The following PTPRG variants were observed in gnomAD, a reference collection of about 807,000 sequenced individuals.
PTPRG encodes protein tyrosine phosphatase receptor type G.
A neutral mutation model predicts 165.3 loss-of-function variants in PTPRG; 102 were observed. The ratio of observed to expected loss-of-function variants is 0.62; its 90% confidence interval spans 0.53 to 0.73. PTPRG has a LOEUF of 0.73. Ranked by LOEUF, PTPRG falls within the 30% of genes least tolerant of loss-of-function variation. PTPRG has a pLI of 0.00. For synonymous variants in PTPRG, 675 were observed against 669.5 expected (o/e 1.01, Z -0.13); for missense variants, 1,866 against 1,861.4 (o/e 1.00, Z -0.05).
intron 2 of PTPRG, among the ~76,000 whole-genome samples, chr3:61,941,554 C>A (rs191755047): frequency 2.2e-3 from 340 of 152,206 alleles, no homozygotes; most frequent in African/African-American, 7.9e-3. Context: ...ACCCAGGAGG[C>A]GGAGGTTGCA....
At chr3:62,191,711 G>T in intron 9 of PTPRG, 58 bp downstream of exon 9, 1 of 1,520,734 alleles carries the variant, frequency 6.6e-7, no homozygotes. Flanking sequence ...TCCTGCTGCA[G>T]CTCTCTGCCA....
At chr3:62,072,389 T>C (rs1413427734) in intron 4 of PTPRG, among the ~76,000 whole-genome samples, 1 of 152,224 alleles carries the variant, frequency 6.6e-6, no homozygotes, top group African/African-American at 2.4e-5. Flanking sequence ...TACTCTATGT[T>C]ATCCATCACC....
At chr3:61,581,083 A>T (rs1575516040) in intron 1 of PTPRG, among the ~76,000 whole-genome samples, 1 of 152,054 alleles carries the variant, frequency 6.6e-6, no homozygotes, top group Non-Finnish European at 1.5e-5. Context: ...ATTTTTTTGT[A>T]CCCATCTATA....
intron 2 of PTPRG, among the ~76,000 whole-genome samples, chr3:61,862,925 G>T (rs1319975729): frequency 6.6e-6 from 1 of 152,024 alleles, no homozygotes; most frequent in Non-Finnish European, 1.5e-5. Flanking sequence ...AACTTTGTGG[G>T]GTCTTAATTG....
intron 2 of PTPRG, among the ~76,000 whole-genome samples, chr3:61,940,927 G>T (rs759107636): frequency 6.6e-6 from 1 of 151,980 alleles, no homozygotes; most frequent in African/African-American, 2.4e-5. Flanking sequence ...GCCTCCCAAA[G>T]TGCTGCGTTA....
At chr3:61,894,301 CAAAAAAAAAAAAAAAAA>C (rs767479285) in intron 2 of PTPRG, among the ~76,000 whole-genome samples, 20 of 49,852 alleles carry the variant, frequency 4.0e-4, no homozygotes, top group Non-Finnish European at 5.1e-4. Context: ...GACTCTGTGT[CAAAAAAAAAAAAAAAAA>C]AAAAAAAAAA....
intron 2 of PTPRG, among the ~76,000 whole-genome samples, chr3:61,968,518 T>C (rs1167998288): frequency 1.3e-5 from 2 of 152,200 alleles, no homozygotes; most frequent in African/African-American, 4.8e-5. Flanking sequence ...TTAATATATA[T>C]TGTGAGAATT....
intron 2 of PTPRG, among the ~76,000 whole-genome samples, chr3:61,956,168 T>C (rs969213698): frequency 2.6e-5 from 4 of 152,066 alleles, no homozygotes; most frequent in African/African-American, 9.7e-5. Flanking sequence ...TATGTGATTA[T>C]CCTCCAGAGA....
intron 5 of PTPRG, among the ~76,000 whole-genome samples, chr3:62,092,705 G>A (rs1246820299): frequency 3.3e-5 from 5 of 152,154 alleles, no homozygotes; most frequent in Non-Finnish European, 5.9e-5. Context: ...ACCTACCTTG[G>A]AGGGTCATTT....
chr3:62,016,014 C>G (rs762546652), intron 4 of PTPRG, among the ~76,000 whole-genome samples: 17 of 152,034 alleles, frequency 1.1e-4, no homozygotes, highest in Non-Finnish European at 1.9e-4. Context: ...TCAGTTTTCA[C>G]TGCATAATAT....
chr3:62,147,581 T>C (rs1432879660), intron 6 of PTPRG, among the ~76,000 whole-genome samples: 1 of 152,182 alleles, frequency 6.6e-6, no homozygotes, highest in Admixed American at 6.6e-5. Flanking sequence ...TTATTAGTGG[T>C]ATTGGAATAA....
At chr3:61,731,549 A>T (rs1470160024) in intron 1 of PTPRG, among the ~76,000 whole-genome samples, 2 of 151,776 alleles carry the variant, frequency 1.3e-5, no homozygotes, top group East Asian at 3.9e-4. Context: ...GGGTTTCACC[A>T]TGTTGGCCAG....
intron 2 of PTPRG, among the ~76,000 whole-genome samples, chr3:61,759,139 C>T (rs1432251015): frequency 6.6e-6 from 1 of 152,044 alleles, no homozygotes; most frequent in African/African-American, 2.4e-5. Context: ...AGATCAGCTA[C>T]CTGAAGGGTG....
chr3:62,154,631 A>G (rs1270889939), intron 6 of PTPRG, among the ~76,000 whole-genome samples: 3 of 151,892 alleles, frequency 2.0e-5, no homozygotes, highest in East Asian at 1.9e-4. Flanking sequence ...GCCTCTTCCT[A>G]TAGTGTGTTT....
chr3:61,805,994 G>A (rs753157563), intron 2 of PTPRG, among the ~76,000 whole-genome samples: 22 of 152,184 alleles, frequency 1.4e-4, no homozygotes, highest in Admixed American at 3.9e-4. Flanking sequence ...GAAAAATACA[G>A]CACAAACCTC....
At chr3:62,123,776 C>T (rs1002388096) in intron 5 of PTPRG, among the ~76,000 whole-genome samples, 19 of 152,054 alleles carry the variant, frequency 1.2e-4, no homozygotes, top group Admixed American at 1.1e-3. Context: ...ACACGGCATT[C>T]AGTAGGCTTG....
At chr3:61,898,610 A>C (rs963582179) in intron 2 of PTPRG, among the ~76,000 whole-genome samples, 2 of 152,136 alleles carry the variant, frequency 1.3e-5, no homozygotes, top group Non-Finnish European at 2.9e-5. Context: ...GATAGGTTAC[A>C]TTGCGTTGTT....
At chr3:62,107,771 A>C (rs886881432) in intron 5 of PTPRG, among the ~76,000 whole-genome samples, 1 of 152,242 alleles carries the variant, frequency 6.6e-6, no homozygotes, top group South Asian at 2.1e-4. Flanking sequence ...CATTCATTAC[A>C]TGTTTATTGA....
intron 14 of PTPRG, among the ~76,000 whole-genome samples, chr3:62,241,300 A>G (rs1701154389): frequency 6.6e-6 from 1 of 152,158 alleles, no homozygotes; most frequent in Non-Finnish European, 1.5e-5. Context: ...CATTTGCCAA[A>G]TCCATTGAAA....
Sources: gnomAD v4.1 joint callset for allele counts (sites outside exome capture counted in the v4.1 genomes callset) on GRCh38, gnomAD v4.1.1 for gene constraint, MANE v1.5 for transcripts, NCBI Gene and HGNC (gene_info 2026-07-23, HGNC 2026-07-21) for gene names.